The following CCSER1 variants were observed in gnomAD, a reference collection of about 807,000 sequenced individuals.
CCSER1 encodes serine-rich coiled-coil domain-containing protein 1.
CCSER1 carries 41 observed loss-of-function variants against 82.0 expected under a neutral mutation model. The observed-to-expected ratio is 0.50, with a 90% CI of 0.39 to 0.65. CCSER1 has a LOEUF of 0.65. Among genes scored for constraint, CCSER1 ranks in the 30% least tolerant of loss-of-function variants. The pLI, the probability that CCSER1 is intolerant of heterozygous loss-of-function variation, is 0.00. For missense variants in CCSER1, 1,119 were observed against 1,064.2 expected, an observed-to-expected ratio of 1.05 and a Z score of -0.72; for synonymous variants, 414 against 383.9, an observed-to-expected ratio of 1.08 and a Z score of -0.92.
intron 4 of CCSER1, among the ~76,000 whole-genome samples, chr4:90,412,149 T>C (rs1260073752): frequency 6.6e-6 from 1 of 151,494 alleles, no homozygotes; most frequent in Non-Finnish European, 1.5e-5. Flanking sequence ...AAAGGATGAG[T>C]TCATATCCTT....
At chr4:90,876,544 C>T (rs1026135419) in intron 8 of CCSER1, among the ~76,000 whole-genome samples, 4 of 152,080 alleles carry the variant, frequency 2.6e-5, no homozygotes, top group Admixed American at 6.6e-5. Flanking sequence ...AAAATGAGAA[C>T]CCAAATATCT....
At chr4:90,701,203 G>C (rs891376311) in intron 6 of CCSER1, among the ~76,000 whole-genome samples, 1 of 152,150 alleles carries the variant, frequency 6.6e-6, no homozygotes, top group Non-Finnish European at 1.5e-5. Flanking sequence ...TCTACATATG[G>C]CTAGCCAGTT....
intron 10 of CCSER1, among the ~76,000 whole-genome samples, chr4:91,245,212 GT>G (rs1308469615): frequency 1.3e-5 from 2 of 152,114 alleles, no homozygotes; most frequent in East Asian, 3.9e-4. Context: ...GAAAGATATA[GT>G]GGTATAAAGC....
intron 8 of CCSER1, among the ~76,000 whole-genome samples, chr4:90,853,152 G>C (rs895986499): frequency 3.3e-5 from 5 of 152,186 alleles, no homozygotes; most frequent in Admixed American, 6.5e-5. Flanking sequence ...TTCTACCTCT[G>C]TTCATACCCT....
At chr4:90,927,271 T>C (rs1410466929) in intron 9 of CCSER1, among the ~76,000 whole-genome samples, 1 of 152,028 alleles carries the variant, frequency 6.6e-6, no homozygotes, top group South Asian at 2.1e-4. Context: ...GAGCCACAAA[T>C]GCACTAAAGT....
chr4:90,169,287 T>C (rs137949228), intron 1 of CCSER1, among the ~76,000 whole-genome samples: 3 of 152,208 alleles, frequency 2.0e-5, no homozygotes, highest in African/African-American at 7.2e-5. Context: ...TGTCTGTTAT[T>C]GGTGTATAGG....
chr4:90,217,338 A>G (rs1741235859), intron 1 of CCSER1, among the ~76,000 whole-genome samples: 1 of 152,162 alleles, frequency 6.6e-6, no homozygotes, highest in African/African-American at 2.4e-5. Context: ...CTGGAATTAC[A>G]GGTGCCTGCC....
intron 10 of CCSER1, among the ~76,000 whole-genome samples, chr4:91,123,105 T>A (rs1438624348): frequency 2.6e-5 from 4 of 151,726 alleles, no homozygotes; most frequent in Non-Finnish European, 5.9e-5. Flanking sequence ...GATACCTTTT[T>A]TAAAGAAAGT....
intron 10 of CCSER1, among the ~76,000 whole-genome samples, chr4:91,400,546 G>C (rs1021181864): frequency 6.8e-6 from 1 of 147,774 alleles, no homozygotes; most frequent in East Asian, 2.0e-4. Context: ...GCATCATTTT[G>C]AGTAACTATT....
At chr4:90,558,527 T>C (rs1778383440) in intron 5 of CCSER1, among the ~76,000 whole-genome samples, 1 of 152,078 alleles carries the variant, frequency 6.6e-6, no homozygotes, top group African/African-American at 2.4e-5. Context: ...TTCTAGACTA[T>C]AGATAAGTCC....
At chr4:90,862,116 T>G (rs1301536264) in intron 8 of CCSER1, among the ~76,000 whole-genome samples, 1 of 151,528 alleles carries the variant, frequency 6.6e-6, no homozygotes, top group Non-Finnish European at 1.5e-5. Context: ...CATAAAAACT[T>G]TGTAGAACAA....
intron 9 of CCSER1, chr4:91,015,361 G>A (rs1739338675): frequency 6.6e-6 from 1 of 151,856 alleles, no homozygotes; most frequent in Non-Finnish European, 1.5e-5. Context: ...TAACTAATAG[G>A]CTACCGTGAT....
chr4:91,269,345 A>G (rs1015915991), intron 10 of CCSER1, among the ~76,000 whole-genome samples: 2 of 152,230 alleles, frequency 1.3e-5, no homozygotes, highest in African/African-American at 4.8e-5. Context: ...GAATACTTTC[A>G]AATTTCGGGG....
chr4:90,652,161 TA>T (rs1728873767), intron 6 of CCSER1, among the ~76,000 whole-genome samples: 1 of 152,210 alleles, frequency 6.6e-6, no homozygotes, highest in African/African-American at 2.4e-5. Flanking sequence ...CAATTTAATT[TA>T]TAAGTAAATT....
intron 6 of CCSER1, among the ~76,000 whole-genome samples, chr4:90,629,586 G>A (rs1410121376): frequency 1.3e-5 from 2 of 152,040 alleles, no homozygotes; most frequent in East Asian, 3.9e-4. Flanking sequence ...TGACACATAG[G>A]GATTATTATG....
intron 10 of CCSER1, among the ~76,000 whole-genome samples, chr4:91,308,507 A>C (rs1745230499): frequency 6.6e-6 from 1 of 152,016 alleles, no homozygotes; most frequent in Non-Finnish European, 1.5e-5. Context: ...AACTCAGGAC[A>C]CAGAAAGTAG....
intron 9 of CCSER1, among the ~76,000 whole-genome samples, chr4:91,022,905 T>C (rs2150531971): frequency 6.6e-6 from 1 of 152,340 alleles, no homozygotes; most frequent in South Asian, 2.1e-4. Flanking sequence ...AGATTCTGGA[T>C]GTTAGCCCTT....
chr4:91,256,283 C>T (rs534139253), intron 10 of CCSER1, among the ~76,000 whole-genome samples: 46 of 152,188 alleles, frequency 3.0e-4, no homozygotes, highest in South Asian at 1.5e-3. Flanking sequence ...CTAGTCAGAC[C>T]GGTTCTCTGC....
At chr4:90,858,458 T>C (rs1764707058) in intron 8 of CCSER1, among the ~76,000 whole-genome samples, 1 of 151,996 alleles carries the variant, frequency 6.6e-6, no homozygotes, top group Non-Finnish European at 1.5e-5. Flanking sequence ...AGTGGTAATA[T>C]ATAAAAGTTA....
Sources: gnomAD v4.1 joint callset for allele counts (sites outside exome capture counted in the v4.1 genomes callset) on GRCh38, gnomAD v4.1.1 for gene constraint, MANE v1.5 for transcripts, NCBI Gene and HGNC (gene_info 2026-07-23, HGNC 2026-07-21) for gene names.